Variants in M1AP observed in about 807,000 individuals in gnomAD.
M1AP encodes the protein meiosis 1 associated protein.
Under a neutral mutation model 51.2 loss-of-function variants are expected in M1AP, and 39 were observed. The ratio of observed to expected loss-of-function variants is 0.76; its 90% CI spans 0.59 to 1.00. The LOEUF is 1.00. Ranked by LOEUF, M1AP falls within the 50% of genes least tolerant of loss-of-function variation. M1AP has a pLI of 0.00. For missense variants in M1AP, 545 were observed against 641.2 expected (o/e 0.85, Z 1.62); for synonymous variants, 251 against 249.2 (o/e 1.01, Z -0.07).
At chr2:74,574,494 T>G (rs1188376263) in intron 7 of M1AP, among the ~76,000 whole-genome samples, 1 of 152,248 alleles carries the variant, frequency 6.6e-6, no homozygotes, top group Non-Finnish European at 1.5e-5. Context: ...ATGTTCTAGT[T>G]CAAACCACCA....
At chr2:74,580,774 C>G (rs1294324889) in intron 5 of M1AP, among the ~76,000 whole-genome samples, 2 of 152,164 alleles carry the variant, frequency 1.3e-5, no homozygotes, top group African/African-American at 4.8e-5. Context: ...ATTCTTCAAC[C>G]CTCAATGATC....
chr2:74,639,738 A>T (rs748171008), intron 2 of M1AP, among the ~76,000 whole-genome samples: 5 of 152,218 alleles, frequency 3.3e-5, no homozygotes, highest in Non-Finnish European at 5.9e-5. Context: ...GCATAAAAGG[A>T]GTCAGTTGTT....
chr2:74,645,224 G>T (rs1683533671), intron 1 of M1AP, among the ~76,000 whole-genome samples: 1 of 152,056 alleles, frequency 6.6e-6, no homozygotes, highest in African/African-American at 2.4e-5. Context: ...TGAAGCCAGC[G>T]AGACCATGAA....
At chr2:74,621,934 C>T (rs983389601) in intron 2 of M1AP, among the ~76,000 whole-genome samples, 2 of 149,168 alleles carry the variant, frequency 1.3e-5, no homozygotes, top group African/African-American at 2.5e-5. Context: ...ATGGTGAAAC[C>T]CCACATCTAC....
At chr2:74,612,382 G>A (rs1262503820) in intron 3 of M1AP, among the ~76,000 whole-genome samples, 1 of 151,786 alleles carries the variant, frequency 6.6e-6, no homozygotes, top group Non-Finnish European at 1.5e-5. Context: ...CCACACCTGG[G>A]TAATTTAAAA....
intron 4 of M1AP, among the ~76,000 whole-genome samples, chr2:74,601,299 G>GA (rs1680658590): frequency 6.6e-6 from 1 of 151,568 alleles, no homozygotes; most frequent in Non-Finnish European, 1.5e-5. Flanking sequence ...TGCCAATACG[G>GA]AAAAAATCCT....
intron 2 of M1AP, chr2:74,618,926 AG>A (rs1681842034): frequency 1.9e-6 from 1 of 533,540 alleles, no homozygotes; most frequent in South Asian, 1.4e-5. Flanking sequence ...TTTGGGGAAA[AG>A]CGTCATTTCC....
intron 4 of M1AP, among the ~76,000 whole-genome samples, chr2:74,588,509 C>G (rs1679849738): frequency 6.6e-6 from 1 of 152,220 alleles, no homozygotes; most frequent in South Asian, 2.1e-4. Context: ...CAACCATTGT[C>G]TTTAAATCAA....
chr2:74,558,655 A>G lies in M1AP; in HGVS notation c.*61T>C. On this transcript the variant is annotated 3_prime_UTR_variant, in exon 11 of 11. Coordinates refer to ENST00000421985, the MANE Select transcript of M1AP (RefSeq NM_001321739.2). ...AGAGCAAGTCTGACCACAGATAGCC[A>G]TTATGTGAACCTGAGCATGGATATG... is the stretch of plus-strand genomic sequence containing the variant. 6.3e-7 allele frequency: 1 copy of G among 1,584,672 alleles called. No homozygotes were observed. The highest frequency in any genetic ancestry group is 1.1e-5 in the South Asian group (1 of 87,668).
At chr2:74,568,402 C>G (rs1287912858) in intron 7 of M1AP, among the ~76,000 whole-genome samples, 2 of 152,184 alleles carry the variant, frequency 1.3e-5, no homozygotes, top group African/African-American at 2.4e-5. Context: ...AGCTAAGCCT[C>G]TGGAGAAGGA....
intron 2 of M1AP, among the ~76,000 whole-genome samples, chr2:74,624,646 ATG>A (rs1682267377): frequency 6.6e-6 from 1 of 152,232 alleles, no homozygotes; most frequent in Non-Finnish European, 1.5e-5. Flanking sequence ...TTTAATATTT[ATG>A]TGTTTTGAAT....
chr2:74,619,953 A>G lies in M1AP; in HGVS notation c.241-4804T>C, dbSNP rs1681905777. 2.0e-5 allele frequency among the ~76,000 whole-genome samples: 3 copies of G among 152,210 alleles called. No individual in the cohort carries two copies. The South Asian group carries it at 6.2e-4, about 31-fold the overall frequency. ...CAATGTAAAAAGGTTGTGACCAGGAAACTCCCCCAGATACATCCTTATTTA... is the reference window on the plus strand; with the variant it reads ...CAATGTAAAAAGGTTGTGACCAGGAGACTCCCCCAGATACATCCTTATTTA... On this transcript the variant is annotated intron_variant, in intron 2 of 10. Coordinates refer to ENST00000421985, the MANE Select transcript of M1AP (RefSeq NM_001321739.2).
chr2:74,612,705 A>G (rs10196156), intron 3 of M1AP, among the ~76,000 whole-genome samples: 12,274 of 151,994 alleles, frequency 0.081, 1,397 homozygotes, highest in African/African-American at 0.25. Context: ...TATATTGTAT[A>G]TCCATTTTCA....
intron 10 of M1AP, among the ~76,000 whole-genome samples, chr2:74,559,266 C>T (rs1159623554): frequency 6.6e-6 from 1 of 152,062 alleles, no homozygotes; most frequent in Non-Finnish European, 1.5e-5. Flanking sequence ...TCAAGCAATC[C>T]CCCGACCTTA....
At chr2:74,646,583 TA>T (rs1683624586) in intron 1 of M1AP, among the ~76,000 whole-genome samples, 1 of 152,212 alleles carries the variant, frequency 6.6e-6, no homozygotes, top group African/African-American at 2.4e-5. Context: ...TGTAGGAAAC[TA>T]ACCCAAACTT....
rs6709676 is a variant in M1AP, at chr2:74,559,687, C to G, written c.1434+11G>C. 0.013 allele frequency: 9,686 copies of G among 718,272 alleles called. 521 individuals are homozygous for G. Among genetic ancestry groups the G allele is most frequent in the African/African-American group, 0.13 (7,332 of 57,238 alleles). 44.5% of individuals were successfully genotyped at this position (718,272 alleles called of 1,614,324 possible). A position where few individuals can be genotyped will look rare whatever the true frequency, so the allele number is the denominator to read the frequency against. On this transcript the variant is annotated intron_variant, in intron 10 of 10. Transcript: ENST00000421985. ...CCTCCTTTCCTCATCTGTAAATGAG[C>G]AAACACTTACCTTGCAGGGATGCTG... is the stretch of plus-strand genomic sequence containing the variant.
intron 4 of M1AP, among the ~76,000 whole-genome samples, chr2:74,589,215 A>C (rs1679896848): frequency 6.6e-6 from 1 of 152,236 alleles, no homozygotes; most frequent in African/African-American, 2.4e-5. Context: ...GAGATGAGCA[A>C]GTTCAAAGGT....
intron 2 of M1AP, among the ~76,000 whole-genome samples, chr2:74,638,805 T>C (rs1170965192): frequency 1.3e-5 from 2 of 152,232 alleles, no homozygotes; most frequent in Admixed American, 6.5e-5. Context: ...AAGCCACTTA[T>C]GAATTCCTAA....
intron 1 of M1AP, chr2:74,647,144 G>A (rs1055686321): frequency 1.6e-5 from 14 of 884,920 alleles, no homozygotes; most frequent in Non-Finnish European, 1.9e-5. Context: ...AACCCTCCAA[G>A]GACTTCCAAT....
Sources: allele counts gnomAD v4.1 joint callset (sites outside exome capture counted in the v4.1 genomes callset), GRCh38; gene constraint gnomAD v4.1.1; transcripts MANE v1.5; gene names NCBI Gene and HGNC (gene_info 2026-07-23, HGNC 2026-07-21).